CCSER1: variants seen among roughly 807,000 people sequenced by gnomAD.
CCSER1 encodes the protein serine-rich coiled-coil domain-containing protein 1.
CCSER1 carries 41 observed loss-of-function variants against 82.0 expected under a neutral mutation model. That is an observed-to-expected ratio of 0.50 (90% CI 0.39 to 0.65). The LOEUF (loss-of-function observed/expected upper bound fraction) is 0.65. Among genes scored for constraint, CCSER1 ranks in the 30% least tolerant of loss-of-function variants. CCSER1 has a pLI of 0.00. For synonymous variants in CCSER1, 414 were observed against 383.9 expected (o/e 1.08, Z -0.92); for missense variants, 1,119 against 1,064.2 (o/e 1.05, Z -0.72).
At chr4:91,345,102 T>C (rs1456332239) in intron 10 of CCSER1, among the ~76,000 whole-genome samples, 1 of 152,092 alleles carries the variant, frequency 6.6e-6, no homozygotes, top group Non-Finnish European at 1.5e-5. Flanking sequence ...TGAAAATCTT[T>C]ATTAGTGGCC....
intron 5 of CCSER1, among the ~76,000 whole-genome samples, chr4:90,601,601 C>G (rs999056386): frequency 2.0e-5 from 3 of 149,092 alleles, no homozygotes; most frequent in Non-Finnish European, 4.5e-5. Context: ...GTTTCATTTG[C>G]TCTTTTTGTT....
At chr4:90,330,318 C>T (rs1410799127) in intron 3 of CCSER1, among the ~76,000 whole-genome samples, 1 of 152,088 alleles carries the variant, frequency 6.6e-6, no homozygotes, top group South Asian at 2.1e-4. Flanking sequence ...TGGGATGAGA[C>T]AGTATATCTC....
chr4:90,764,198 A>G lies in CCSER1; in HGVS notation c.2010+40207A>G, dbSNP rs187127275. Among the ~76,000 whole-genome samples, 247 of 152,296 alleles carry G rather than the reference A, an allele frequency of 1.6e-3. 1 individual carries two copies. The highest frequency in any genetic ancestry group is 5.8e-3 in the African/African-American group (240 of 41,574). On this transcript the variant is annotated intron_variant, in intron 7 of 10. Transcript: ENST00000509176. ...CTTCCCTTCGAGGTAGATTGTAAAAATCAATGAGAGCAAGCTTGCACTTAA... is the reference window on the plus strand; with the variant it reads ...CTTCCCTTCGAGGTAGATTGTAAAAGTCAATGAGAGCAAGCTTGCACTTAA...
At chr4:90,405,525 C>A (rs1560464316) in intron 4 of CCSER1, among the ~76,000 whole-genome samples, 1 of 152,072 alleles carries the variant, frequency 6.6e-6, no homozygotes, top group African/African-American at 2.4e-5. Flanking sequence ...CTTGGAAATT[C>A]ATCACAAAAA....
chr4:90,516,163 A>C (rs565398237), intron 5 of CCSER1, among the ~76,000 whole-genome samples: 1 of 152,172 alleles, frequency 6.6e-6, no homozygotes, highest in East Asian at 1.9e-4. Flanking sequence ...AGACTTGAAC[A>C]ATGATGAGAA....
At chr4:91,246,206 T>A (rs1739760550) in intron 10 of CCSER1, among the ~76,000 whole-genome samples, 1 of 151,994 alleles carries the variant, frequency 6.6e-6, no homozygotes, top group Non-Finnish European at 1.5e-5. Context: ...AAACAGAAAG[T>A]TAAAAAGCAG....
At chr4:90,823,559 G>C (rs554798869) in intron 8 of CCSER1, among the ~76,000 whole-genome samples, 1 of 152,010 alleles carries the variant, frequency 6.6e-6, no homozygotes, top group African/African-American at 2.4e-5. Flanking sequence ...TGGAACTTGA[G>C]ATACTTAAAT....
Position 90,626,159 on chromosome 4 carries a change from T to A in CCSER1, c.1725-1866T>A, listed in dbSNP as rs538692870. On this transcript the variant is annotated intron_variant, in intron 5 of 10. Coordinates refer to ENST00000509176, the MANE Select transcript of CCSER1 (RefSeq NM_001145065.2). ...CACAATACAGAAAAATTTTTCTGTA[T>A]GAGTTGTATGCGTCGATGATTACAA... 9.2e-5 allele frequency among the ~76,000 whole-genome samples: 14 copies of A among 152,324 alleles called. No homozygotes were observed. The South Asian group carries it at 2.7e-3, about 29-fold the overall frequency.
intron 10 of CCSER1, among the ~76,000 whole-genome samples, chr4:91,416,556 T>C (rs1357327702): frequency 6.6e-6 from 1 of 152,128 alleles, no homozygotes; most frequent in African/African-American, 2.4e-5. Flanking sequence ...ACTGCATACC[T>C]GCAATCATCT....
intron 6 of CCSER1, among the ~76,000 whole-genome samples, chr4:90,659,962 AG>A (rs1298793603): frequency 6.6e-6 from 1 of 151,576 alleles, no homozygotes; most frequent in Non-Finnish European, 1.5e-5. Flanking sequence ...CTTTTTAGTG[AG>A]GTTTTTTGTT....
intron 10 of CCSER1, among the ~76,000 whole-genome samples, chr4:91,187,295 G>C (rs1279375848): frequency 6.6e-6 from 1 of 152,152 alleles, no homozygotes; most frequent in Non-Finnish European, 1.5e-5. Flanking sequence ...ACCTCTCTCT[G>C]CTAGTTTTCT....
chr4:90,224,773 A>G (rs1578587817), intron 1 of CCSER1, among the ~76,000 whole-genome samples: 1 of 152,212 alleles, frequency 6.6e-6, no homozygotes, highest in African/African-American at 2.4e-5. Context: ...TTTAAAACTG[A>G]TGCAGAGGGA....
At chr4:91,340,308 G>C (rs575363275) in intron 10 of CCSER1, among the ~76,000 whole-genome samples, 133 of 152,218 alleles carry the variant, frequency 8.7e-4, no homozygotes, top group African/African-American at 2.9e-3. Context: ...TACAGATAAG[G>C]AAGAATTACT....
At chr4:91,158,887 G>A (rs1731094397) in intron 10 of CCSER1, among the ~76,000 whole-genome samples, 1 of 152,004 alleles carries the variant, frequency 6.6e-6, no homozygotes, top group African/African-American at 2.4e-5. Flanking sequence ...TACCAGAAGC[G>A]AATCCATATT....
chr4:90,881,280 G>A (rs1334827486), intron 8 of CCSER1, among the ~76,000 whole-genome samples: 1 of 151,922 alleles, frequency 6.6e-6, no homozygotes, highest in South Asian at 2.1e-4. Context: ...ACACATGCAG[G>A]AGAGGAGAGA....
At chr4:90,339,099 T>C (rs993706134) in intron 3 of CCSER1, among the ~76,000 whole-genome samples, 1 of 152,180 alleles carries the variant, frequency 6.6e-6, no homozygotes, top group African/African-American at 2.4e-5. Flanking sequence ...GGAAAAATAA[T>C]TTTCTTTCTA....
At chr4:90,476,216 C>T (rs1238200598) in intron 5 of CCSER1, among the ~76,000 whole-genome samples, 3 of 152,282 alleles carry the variant, frequency 2.0e-5, no homozygotes, top group Admixed American at 2.0e-4. Flanking sequence ...CACATCCCTT[C>T]TCCAGCTGCT....
At chr4:90,712,403 C>T (rs1247843175) in intron 6 of CCSER1, among the ~76,000 whole-genome samples, 4 of 151,862 alleles carry the variant, frequency 2.6e-5, no homozygotes, top group South Asian at 2.1e-4. Flanking sequence ...ATTATTTACC[C>T]GAAAGTCATT....
chr4:90,243,653 G>T (rs752054593), intron 1 of CCSER1, among the ~76,000 whole-genome samples: 64 of 152,152 alleles, frequency 4.2e-4, no homozygotes, highest in African/African-American at 1.4e-3. Context: ...CTCCCAAAGC[G>T]CTGGGGTTAC....
Sources: allele counts gnomAD v4.1 joint callset (sites outside exome capture counted in the v4.1 genomes callset), GRCh38; gene constraint gnomAD v4.1.1; transcripts MANE v1.5; gene names NCBI Gene and HGNC (gene_info 2026-07-23, HGNC 2026-07-21).